LPP: variants seen among roughly 807,000 people sequenced by gnomAD.
LPP encodes LIM domain containing preferred translocation partner in lipoma.
A neutral mutation model predicts 60.4 loss-of-function variants in LPP; 38 were observed. That is an observed-to-expected ratio of 0.63 (90% CI 0.49 to 0.83). The LOEUF (loss-of-function observed/expected upper bound fraction) is 0.83, where lower values mean the gene tolerates loss of function less well. LPP is among the 40% of genes least tolerant of loss of function. LPP has a pLI of 0.00. For missense variants in LPP, 902 were observed against 783.6 expected (o/e 1.15, Z -1.80); for synonymous variants, 328 against 290.8 (o/e 1.13, Z -1.30).
Position 188,750,639 on chromosome 3 carries a change from T to TA in LPP, c.1241-9464dup, listed in dbSNP as rs558437618. Among the ~76,000 whole-genome samples the TA allele has an allele frequency of 3.3e-4, 49 of 148,812 alleles. 1 individual carries two copies. Among genetic ancestry groups the TA allele is most frequent in the Middle Eastern group, 6.8e-3 (2 of 292 alleles). On this transcript the variant is annotated intron_variant, in intron 8 of 11. Coordinates refer to ENST00000617246, the MANE Select transcript of LPP (RefSeq NM_001375462.1). ...CCGAGTGAGACTCCATCTCAAAAAATAAAAAAAAAAGTTTACTATCCAGAG... is the reference window on the plus strand; with the variant it reads ...CCGAGTGAGACTCCATCTCAAAAAATAAAAAAAAAAAGTTTACTATCCAGAG...
intron 6 of LPP, among the ~76,000 whole-genome samples, chr3:188,545,854 CA>C (rs1270804956): frequency 2.6e-5 from 4 of 152,210 alleles, no homozygotes; most frequent in African/African-American, 9.6e-5. Context: ...GGCTCAAAGA[CA>C]GGGGGTTAGT....
At chr3:188,734,960 C>T (rs1305520544) in intron 8 of LPP, among the ~76,000 whole-genome samples, 1 of 152,186 alleles carries the variant, frequency 6.6e-6, no homozygotes, top group African/African-American at 2.4e-5. Flanking sequence ...CACGTGAACC[C>T]AGCAGTCATT....
intron 7 of LPP, among the ~76,000 whole-genome samples, chr3:188,707,751 A>C (rs1442118821): frequency 6.6e-6 from 1 of 151,976 alleles, no homozygotes; most frequent in Non-Finnish European, 1.5e-5. Flanking sequence ...AGTGTGAGAA[A>C]CTTCTACCTG....
intron 6 of LPP, among the ~76,000 whole-genome samples, chr3:188,590,347 T>A (rs904501189): frequency 6.6e-6 from 1 of 151,672 alleles, no homozygotes; most frequent in African/African-American, 2.4e-5. Flanking sequence ...CCGAGGCGGG[T>A]GGATCACTTG....
rs143153635 is a variant in LPP at position 188,886,733 on chromosome 3, CACAT to C, written c.*12258_*12261del. 0.054 allele frequency: 8,182 copies of C among 152,748 alleles called. 559 individuals are homozygous for C. Among genetic ancestry groups the C allele is most frequent in the African/African-American group, 0.21 (6,548 of 31,792 alleles). The allele number at this position is 152,748 out of a possible 1,614,324, so 9.5% of individuals were successfully genotyped here. On this transcript the variant is annotated 3_prime_UTR_variant, in exon 12 of 12. Coordinates refer to ENST00000617246, the MANE Select transcript of LPP (RefSeq NM_001375462.1). ...ATTGTCTTCAAAACACACACACACACACATACACACACACACACACACACACACA... is the reference window on the plus strand; with the variant it reads ...ATTGTCTTCAAAACACACACACACACACACACACACACACACACACACACA...
chr3:188,322,667 C>T (rs1757282732), intron 2 of LPP, among the ~76,000 whole-genome samples: 4 of 152,112 alleles, frequency 2.6e-5, no homozygotes, highest in Non-Finnish European at 2.9e-5. Context: ...GGAAGAGTGC[C>T]GGACAGCTGT....
At chr3:188,340,372 GC>G (rs1304965744) in intron 2 of LPP, among the ~76,000 whole-genome samples, 36 of 149,578 alleles carry the variant, frequency 2.4e-4, no homozygotes, top group African/African-American at 8.6e-4. Context: ...CAAGTTTCTT[GC>G]AGGGCATCTG....
chr3:188,336,791 C>A (rs1761767923), intron 2 of LPP, among the ~76,000 whole-genome samples: 1 of 152,134 alleles, frequency 6.6e-6, no homozygotes, highest in Non-Finnish European at 1.5e-5. Flanking sequence ...TCAGCCCAGC[C>A]ACTGCTCAGT....
At chr3:188,479,717 T>C (rs1315968004) in intron 4 of LPP, among the ~76,000 whole-genome samples, 1 of 152,180 alleles carries the variant, frequency 6.6e-6, no homozygotes, top group African/African-American at 2.4e-5. Context: ...GATAGAACTG[T>C]ATATGAGACG....
At chr3:188,781,177 T>C (rs527249145) in intron 9 of LPP, among the ~76,000 whole-genome samples, 1 of 152,368 alleles carries the variant, frequency 6.6e-6, no homozygotes, top group South Asian at 2.1e-4. Flanking sequence ...AATAAAATTA[T>C]ATTTGGAACA....
chr3:188,673,725 G>T (rs1472786279), intron 7 of LPP, among the ~76,000 whole-genome samples: 2 of 152,114 alleles, frequency 1.3e-5, no homozygotes, highest in African/African-American at 4.8e-5. Context: ...CATTTTGAGT[G>T]CATGATGTGA....
intron 1 of LPP, among the ~76,000 whole-genome samples, chr3:188,205,923 C>T (rs1050883084): frequency 1.3e-4 from 20 of 152,312 alleles, no homozygotes; most frequent in Admixed American, 1.3e-3. Context: ...ATTTTGTAAG[C>T]TAAACATTGT....
At chr3:188,613,754 G>A (rs1020977495) in intron 7 of LPP, among the ~76,000 whole-genome samples, 2 of 151,930 alleles carry the variant, frequency 1.3e-5, no homozygotes, top group African/African-American at 4.8e-5. Flanking sequence ...CATATTTTAT[G>A]GGTCAGAGAA....
intron 1 of LPP, among the ~76,000 whole-genome samples, chr3:188,197,842 C>T (rs1269247189): frequency 6.6e-6 from 1 of 152,174 alleles, no homozygotes; most frequent in African/African-American, 2.4e-5. Flanking sequence ...GGCTGTTTTC[C>T]CCTCTTCTAG....
intron 8 of LPP, among the ~76,000 whole-genome samples, chr3:188,714,944 A>G (rs955942278): frequency 2.6e-5 from 4 of 152,288 alleles, no homozygotes; most frequent in South Asian, 4.1e-4. Flanking sequence ...ATTCTTACCC[A>G]GTTCAATAAA....
At chr3:188,193,177 C>T (rs1391579161) in intron 1 of LPP, among the ~76,000 whole-genome samples, 2 of 152,130 alleles carry the variant, frequency 1.3e-5, no homozygotes, top group African/African-American at 2.4e-5. Flanking sequence ...CTGAAGATAG[C>T]GTGTTGGTTT....
At chr3:188,165,870 T>C (rs965720360) in intron 1 of LPP, among the ~76,000 whole-genome samples, 7 of 152,138 alleles carry the variant, frequency 4.6e-5, no homozygotes, top group African/African-American at 1.4e-4. Flanking sequence ...ACAGCCCTGG[T>C]CCCAGCGTAA....
intron 9 of LPP, among the ~76,000 whole-genome samples, chr3:188,817,097 C>T (rs891947761): frequency 3.3e-5 from 5 of 152,186 alleles, no homozygotes; most frequent in African/African-American, 9.7e-5. Context: ...GGACTGCTTT[C>T]AGATATATTT....
intron 4 of LPP, among the ~76,000 whole-genome samples, chr3:188,455,570 G>C (rs1409506291): frequency 6.6e-6 from 1 of 152,146 alleles, no homozygotes; most frequent in Non-Finnish European, 1.5e-5. Context: ...CTTGCTCTCT[G>C]CGAGACAGAG....
Sources: allele counts gnomAD v4.1 joint callset (sites outside exome capture counted in the v4.1 genomes callset), GRCh38; gene constraint gnomAD v4.1.1; transcripts MANE v1.5; gene names NCBI Gene and HGNC (gene_info 2026-07-23, HGNC 2026-07-21).